The following EEF2 variants were observed in gnomAD, a reference collection of about 807,000 sequenced individuals.
The protein encoded by EEF2 is elongation factor 2.
In EEF2, 21 loss-of-function variants were observed where a neutral mutation model predicts 85.3. That is an observed-to-expected ratio of 0.25 (90% CI 0.17 to 0.35). The LOEUF is 0.35. Ranked by LOEUF, EEF2 falls within the 10% of genes least tolerant of loss-of-function variation. The probability of loss-of-function intolerance (pLI) is 1.00; values close to 1 mark genes in which losing one functional copy is unlikely to be tolerated. For missense variants in EEF2, 825 were observed against 1,225.3 expected (o/e 0.67, Z 4.88); for synonymous variants, 723 against 508.8 (o/e 1.42, Z -5.67).
intron 11 of EEF2, 105 bp downstream of exon 11, chr19:3,979,212 TGAGACCAAGACC>T (rs1243980135): frequency 1.2e-5 from 9 of 747,928 alleles, no homozygotes; most frequent in Non-Finnish European, 2.0e-5. Flanking sequence ...CTTAAGAAGC[TGAGACCAAGACC>T]GAGATCAAGT....
Position 3,980,832 on chromosome 19 carries a change from A to G in EEF2, c.1150+9T>C, listed in dbSNP as rs1253681091. ...TGCATCTCAGGGCCCGGCCACCGGG[A>G]CCACGTACCCATGGCAGCCTCGTCG... On this transcript the variant is annotated intron_variant, in intron 8 of 14. Transcript: ENST00000309311. 1.3e-6 allele frequency: 2 copies of G among 1,571,152 alleles called. No homozygotes were observed. The highest frequency in any genetic ancestry group is 2.7e-5 in the African/African-American group (2 of 73,844).
chr19:3,981,951 A>G lies in EEF2; in HGVS notation c.893T>C (p.Phe298Ser). Residue 298 changes from phenylalanine to serine, a missense_variant, in exon 6 of 15, where the codon TTC (phenylalanine) becomes TCC (serine). Coordinates refer to ENST00000309311, the MANE Select transcript of EEF2 (RefSeq NM_001961.4). ...CCTGGCGCAGCCCTCACTCACCTTG[A>G]AGATGGGGTCCAGGATCAGCTGGCA... ...TFCQLILDPI[F>S]KVFDAIMNFK... 1 of 1,613,800 alleles carries G rather than the reference A, an allele frequency of 6.2e-7. No individual in the cohort carries two copies. The highest frequency in any genetic ancestry group is 8.5e-7 in the Non-Finnish European group (1 of 1,179,860).
rs1325830510 is a variant in EEF2, at chr19:3,985,039, G to T, written c.3+339C>A. 5 of 336,176 alleles carry T rather than the reference G, an allele frequency of 1.5e-5. No individual in the cohort carries two copies. The East Asian group carries it at 2.2e-4, about 15-fold the overall frequency. The allele number at this position is 336,176 out of a possible 1,614,324, so 20.8% of individuals were successfully genotyped here. A position where few individuals can be genotyped will look rare whatever the true frequency, so the allele number is the denominator to read the frequency against. On this transcript the variant is annotated intron_variant, in intron 1 of 14. Transcript: ENST00000309311. ...AATCGATCTCAAACTCGCGGCCCGC[G>T]GGTTACATAAGGCGCCTCCCTGTCT...
In EEF2 at chr19:3,977,069, C is replaced by A; in HGVS notation, c.2383+146G>T. The A allele has an allele frequency of 8.1e-7, 1 of 1,240,022 alleles. No individual in the cohort carries two copies. Among genetic ancestry groups the A allele is most frequent in the Non-Finnish European group, 1.1e-6 (1 of 910,942 alleles). The allele number at this position is 1,240,022 out of a possible 1,614,324, so 76.8% of individuals were successfully genotyped here. ...GGAATTCAGTGATTTAGGGGGTCCA[C>A]AAGCTGTCAGAAACTGGACCACCTG... On this transcript the variant is annotated intron_variant, in intron 14 of 14. Coordinates refer to ENST00000309311, the MANE Select transcript of EEF2 (RefSeq NM_001961.4). The surrounding 1 kb of genome is among the most constrained non-coding windows in gnomAD (Gnocchi z 5.4).
In EEF2 at chr19:3,979,189, G is replaced by A. The variant is rs58194386; in HGVS notation, c.1713+140C>T. 6.2e-6 allele frequency: 4 copies of A among 640,878 alleles called. No homozygotes were observed. The East Asian group carries it at 1.0e-4, about 17-fold the overall frequency. The allele number at this position is 640,878 out of a possible 1,614,324, so 39.7% of individuals were successfully genotyped here. ...CATGCCTGTGGAAGACTGCAAAGAA[G>A]AAACTTGAGGAACTTAAGAAGCTGA... On this transcript the variant is annotated intron_variant, in intron 11 of 14. Transcript: ENST00000309311.
intron 5 of EEF2, 45 bp downstream of exon 5, chr19:3,982,201 A>AC: frequency 1.2e-6 from 2 of 1,608,840 alleles, no homozygotes; most frequent in Non-Finnish European, 1.7e-6. Context: ...CGCTGCCACT[A>AC]CCCCCAGGTG....
chr19:3,984,226 G>A lies in EEF2; in HGVS notation c.128C>T (p.Ala43Val), dbSNP rs768918548. The A allele has an allele frequency of 5.6e-6, 9 of 1,614,000 alleles. No homozygotes were observed. The highest frequency in any genetic ancestry group is 7.6e-6 in the Non-Finnish European group (9 of 1,180,034). ...STLTDSLVCKAGIIASARAGE... is the reference protein window; with the variant it reads ...STLTDSLVCKVGIIASARAGE... ...GGCCCGGGCCGAGGCGATGATGCCCGCCTTGCACACCAGGGAGTCTGTCAG... is the reference window on the plus strand; with the variant it reads ...GGCCCGGGCCGAGGCGATGATGCCCACCTTGCACACCAGGGAGTCTGTCAG... The change falls in exon 2 of 15, where the codon GCG becomes GTG. Residue 43 changes from alanine to valine, a missense_variant. Coordinates refer to ENST00000309311, the MANE Select transcript of EEF2 (RefSeq NM_001961.4).
At chr19:3,979,706 C>CA in intron 10 of EEF2, 102 bp downstream of exon 10, 1 of 1,504,264 alleles carries the variant, frequency 6.6e-7, no homozygotes, top group Non-Finnish European at 8.9e-7. Flanking sequence ...CATGACCAGT[C>CA]ACCCCAATCC....
At position 3,980,628 on chromosome 19, in the gene EEF2, T is replaced by TG; in HGVS notation, c.1231_1232insC (p.Tyr411SerfsTer106). 6.2e-7 allele frequency: 1 copy of TG among 1,614,082 alleles called. No individual in the cohort carries two copies. The highest frequency in any genetic ancestry group is 8.5e-7 in the Non-Finnish European group (1 of 1,180,004). ...CCCCGAGAAGACTCGTCCAAAGGCG[T>TG]AGAACCGACCTTTGTCGGAGGTTGG... On this transcript the variant is annotated frameshift_variant, in exon 9 of 15. Transcript: ENST00000309311. LOFTEE classifies it high-confidence loss of function.
At position 3,977,913 on chromosome 19, in the gene EEF2, C is replaced by T. The variant is rs1454775764; in HGVS notation, c.1973G>A (p.Gly658Asp). Reference protein sequence around the residue: ...KIWCFGPDGTGPNILTDITKG... With the variant: ...KIWCFGPDGTDPNILTDITKG... ...GGTGATGTCGGTGAGGATGTTGGGG[C>T]CGGTGCCGTCGGGCCCAAAGCACCA... Residue 658 changes from glycine to aspartate, a missense_variant, in exon 12 of 15, where the codon GGC becomes GAC. Transcript: ENST00000309311. This position sits in a 1 kb window ranked among gnomAD's most constrained non-coding sequence, Gnocchi z 5.4. 2 of 1,613,612 alleles carry T rather than the reference C, an allele frequency of 1.2e-6. No homozygotes were observed. The highest frequency in any genetic ancestry group is 1.1e-5 in the South Asian group (1 of 91,064).
Position 3,980,825 on chromosome 19 carries a change from C to T in EEF2, c.1150+16G>A, listed in dbSNP as rs762334761. 2.5e-6 allele frequency: 4 copies of T among 1,575,946 alleles called. No individual in the cohort carries two copies. The highest frequency in any genetic ancestry group is 1.1e-5 in the South Asian group (1 of 87,442). ...ATCCGGCTGCATCTCAGGGCCCGGC[C>T]ACCGGGACCACGTACCCATGGCAGC... On this transcript the variant is annotated intron_variant, in intron 8 of 14. Transcript: ENST00000309311.
In EEF2 at chr19:3,977,676, A is replaced by C; in HGVS notation, c.2068-66T>G. ...CTCGGCTGCTTGCCCTCCACCTGCCAAGTCCTGCAGGTCTCCACCAGGGGG... is the reference window on the plus strand; with the variant it reads ...CTCGGCTGCTTGCCCTCCACCTGCCCAGTCCTGCAGGTCTCCACCAGGGGG... On this transcript the variant is annotated intron_variant, in intron 12 of 14. Transcript: ENST00000309311. The surrounding 1 kb of genome is among the most constrained non-coding windows in gnomAD (Gnocchi z 5.4). 6.8e-7 allele frequency: 1 copy of C among 1,475,940 alleles called. No individual in the cohort carries two copies. The highest frequency in any genetic ancestry group is 1.4e-5 in the South Asian group (1 of 72,392). 91.4% of individuals were successfully genotyped at this position (1,475,940 alleles called of 1,614,324 possible). A position where few individuals can be genotyped will look rare whatever the true frequency, so the allele number is the denominator to read the frequency against.
In EEF2 at chr19:3,980,860, C is replaced by A. The variant is rs746021818; in HGVS notation, c.1131G>T (p.Pro377=). 70 of 1,564,408 alleles carry A rather than the reference C, an allele frequency of 4.5e-5. No homozygotes were observed. Among genetic ancestry groups the A allele is most frequent in the Non-Finnish European group, 5.9e-5 (68 of 1,156,092 alleles). Residue 377 remains proline, a synonymous_variant, in exon 8 of 15, where the codon CCG becomes CCT. Transcript: ENST00000309311. ...ACGTACCCATGGCAGCCTCGTCGTCCGGGGGCCCCTCGTACAGGAGCTCGC... is the reference window on the plus strand; with the variant it reads ...ACGTACCCATGGCAGCCTCGTCGTCAGGGGGCCCCTCGTACAGGAGCTCGC... ...YRCELLYEGP[P]DDEAAMGIKS...
chr19:3,978,002 G>T lies in EEF2; in HGVS notation c.1884C>A (p.Leu628=). The change falls in exon 12 of 15, where the codon CTC becomes CTA. Residue 628 remains leucine (L), a synonymous_variant. Transcript: ENST00000309311. The part of the protein sequence containing the change: ...DKGEVSARQE[L]KQRARYLAEK... ...CGGCCAGGTAGCGCGCCCGCTGCTT[G>T]AGCTCCTGACGGGCGGACACCTCGC... 1 of 1,612,238 alleles carries T rather than the reference G, an allele frequency of 6.2e-7. No homozygotes were observed. Among genetic ancestry groups the T allele is most frequent in the Non-Finnish European group, 8.5e-7 (1 of 1,179,164 alleles).
At position 3,982,419 on chromosome 19, in the gene EEF2, A is replaced by T. The variant is rs761077335; in HGVS notation, c.618T>A (p.Asp206Glu). Reference sequence around the variant, plus strand: ...CAAAGCCCACGGTACCGAGGACAGGATCGATCTGGAAGTGTGAGAAACGAG... The same window carrying T: ...CAAAGCCCACGGTACCGAGGACAGGTTCGATCTGGAAGTGTGAGAAACGAG... ...ESGPMGNIMI[D>E]PVLGTVGFGS... The change falls in exon 5 of 15, where the codon GAT becomes GAA. Residue 206 changes from aspartate to glutamate, a missense_variant. Asp to Glu is a conservative substitution (Grantham distance 45, BLOSUM62 2). Transcript: ENST00000309311. 1 of 1,614,024 alleles carries T rather than the reference A, an allele frequency of 6.2e-7. No homozygotes were observed. Among genetic ancestry groups the T allele is most frequent in the Admixed American group, 1.7e-5 (1 of 60,018 alleles).
chr19:3,985,407 A>C lies in EEF2; in HGVS notation c.-27T>G. 6.7e-7 allele frequency: 1 copy of C among 1,496,218 alleles called. No individual in the cohort carries two copies. Among genetic ancestry groups the C allele is most frequent in the Non-Finnish European group, 8.9e-7 (1 of 1,117,568 alleles). 92.7% of individuals were successfully genotyped at this position (1,496,218 alleles called of 1,614,324 possible). A position where few individuals can be genotyped will look rare whatever the true frequency, so the allele number is the denominator to read the frequency against. On this transcript the variant is annotated 5_prime_UTR_variant, in exon 1 of 15. Transcript: ENST00000309311. ...GTGGCGGATGGCGGTGGATTCTCCC[A>C]GGTAGAACCGAAAGAAGCGAGTCGC...
rs943431654 is a variant in EEF2 at position 3,976,557 on chromosome 19, C to T, written c.2574G>A (p.Leu858=). The change falls in exon 15 of 15, where the codon TTG becomes TTA. Residue 858 remains leucine, a synonymous_variant. Coordinates refer to ENST00000309311, the MANE Select transcript of EEF2 (RefSeq NM_001961.4). Reference sequence around the variant, plus strand: ...CAGGCGCTGCAGGAAGGGCCGCCTACAATTTGTCCAGGAAGTTGTCCAGGG... The same window carrying T: ...CAGGCGCTGCAGGAAGGGCCGCCTATAATTTGTCCAGGAAGTTGTCCAGGG... ...IPALDNFLDK[L] 6.9e-6 allele frequency: 11 copies of T among 1,604,862 alleles called. No individual in the cohort carries two copies. In the African/African-American group the frequency reaches 1.1e-4, roughly 16 times the overall value.
rs200014508 is a variant in EEF2 at position 3,980,082 on chromosome 19, G to A, written c.1347-16C>T. 1.8e-4 allele frequency: 283 copies of A among 1,607,522 alleles called. No individual in the cohort carries two copies. Among genetic ancestry groups the A allele is most frequent in the Non-Finnish European group, 2.1e-4 (250 of 1,177,006 alleles). ...CAAGATTGTTCTGGAAGAAGCAGAA[G>A]GCGGCAGCAGGCCGCAGGGATGGTT... is the stretch of plus-strand genomic sequence containing the variant. On this transcript the variant is annotated splice_polypyrimidine_tract_variant and intron_variant, in intron 9 of 14. Transcript: ENST00000309311.
chr19:3,979,561 G>A (rs186864392), intron 10 of EEF2, 125 bp from the exon 11 acceptor site: 13 of 973,838 alleles, frequency 1.3e-5, no homozygotes, highest in African/African-American at 3.3e-5. Flanking sequence ...CTGGGAAACT[G>A]GGACCAGCAC....
Sources: allele counts gnomAD v4.1 joint callset, GRCh38; gene constraint gnomAD v4.1.1; non-coding constraint Gnocchi (gnomAD v3.1); transcripts MANE v1.5; gene names NCBI Gene and HGNC (gene_info 2026-07-23, HGNC 2026-07-21).